CFAP54: variants seen among roughly 807,000 people sequenced by gnomAD.
CFAP54 encodes cilia and flagella associated protein 54.
In CFAP54, 290 loss-of-function variants were observed where a neutral mutation model predicts 370.4. That is an observed-to-expected ratio of 0.78 (90% CI 0.71 to 0.86). The LOEUF is 0.86. CFAP54 is among the 40% of genes least tolerant of loss of function. The probability of loss-of-function intolerance (pLI) is 0.00; values close to 1 mark genes in which losing one functional copy is unlikely to be tolerated. For missense variants in CFAP54, 3,399 were observed against 3,528.7 expected, an observed-to-expected ratio of 0.96 and a Z score of 0.93; for synonymous variants, 1,206 against 1,236.5, an observed-to-expected ratio of 0.98 and a Z score of 0.52.
At chr12:96,596,817 G>A (rs540809094) in intron 25 of CFAP54, among the ~76,000 whole-genome samples, 1 of 152,116 alleles carries the variant, frequency 6.6e-6, no homozygotes, top group African/African-American at 2.4e-5. Context: ...ATAACAAAAA[G>A]TCTTACAAAC....
chr12:96,680,777 C>G (rs540509194), intron 40 of CFAP54, among the ~76,000 whole-genome samples: 3 of 152,030 alleles, frequency 2.0e-5, no homozygotes, highest in African/African-American at 7.2e-5. Flanking sequence ...TTTAATTGCT[C>G]CATACATTAA....
chr12:96,771,427 C>A (rs777352594), intron 60 of CFAP54, among the ~76,000 whole-genome samples: 1 of 152,090 alleles, frequency 6.6e-6, no homozygotes, highest in Non-Finnish European at 1.5e-5. Context: ...CCAAGGCGGG[C>A]GGTTCACGAG....
In CFAP54 at chr12:96,804,466, A is replaced by G. The variant is rs576442960; in HGVS notation, c.8851-7270A>G. Among the ~76,000 whole-genome samples, 10 of 152,306 alleles carry G rather than the reference A, an allele frequency of 6.6e-5. No homozygotes were observed. The South Asian group carries it at 1.2e-3, about 19-fold the overall frequency. On this transcript the variant is annotated intron_variant, in intron 63 of 67. Transcript: ENST00000524981. Reference sequence around the variant, plus strand: ...CACAAAAGAAATCAGTAGCATTTCTATATACCAATAATGATCTAACCGAGG... The same window carrying G: ...CACAAAAGAAATCAGTAGCATTTCTGTATACCAATAATGATCTAACCGAGG...
chr12:96,648,454 C>T (rs1956821031), intron 34 of CFAP54, among the ~76,000 whole-genome samples: 1 of 151,998 alleles, frequency 6.6e-6, no homozygotes, highest in Admixed American at 6.6e-5. Flanking sequence ...CAGGGGAATC[C>T]ACCATTGCCC....
intron 34 of CFAP54, 72 bp from the exon 35 acceptor site, chr12:96,649,819 T>G: frequency 2.1e-6 from 2 of 959,050 alleles, no homozygotes; most frequent in Non-Finnish European, 3.1e-6. Context: ...ACTTGATCCT[T>G]ATCACCTACT....
At chr12:96,828,738 T>C (rs1959155878) in intron 65 of CFAP54, among the ~76,000 whole-genome samples, 1 of 152,182 alleles carries the variant, frequency 6.6e-6, no homozygotes, top group South Asian at 2.1e-4. Context: ...TCTGAAACTC[T>C]TCATTCCAGG....
chr12:96,518,844 A>G, intron 5 of CFAP54, 84 bp from the exon 6 acceptor site: 1 of 1,251,794 alleles, frequency 8.0e-7, no homozygotes, highest in Non-Finnish European at 1.0e-6. Context: ...TTGTGCTCAC[A>G]ACTTAGAATT....
At chr12:96,525,208 A>T (rs567276495) in intron 8 of CFAP54, among the ~76,000 whole-genome samples, 2 of 151,722 alleles carry the variant, frequency 1.3e-5, no homozygotes, top group African/African-American at 4.8e-5. Context: ...TGCCATTTTA[A>T]CTTTATTTCT....
intron 4 of CFAP54, among the ~76,000 whole-genome samples, chr12:96,508,474 C>T (rs948331886): frequency 3.3e-5 from 5 of 151,686 alleles, no homozygotes; most frequent in South Asian, 4.2e-4. Context: ...TTAGTACAGA[C>T]GGGTTTTTAC....
chr12:96,678,825 T>C (rs556677777), intron 39 of CFAP54, among the ~76,000 whole-genome samples: 30 of 152,334 alleles, frequency 2.0e-4, no homozygotes, highest in African/African-American at 6.7e-4. Context: ...GCAAAGACCA[T>C]GCCTCTTAAC....
intron 4 of CFAP54, among the ~76,000 whole-genome samples, chr12:96,508,316 C>T (rs1263034936): frequency 1.4e-5 from 2 of 147,298 alleles, no homozygotes; most frequent in Non-Finnish European, 3.0e-5. Flanking sequence ...GATGGAGTCT[C>T]GCTGTGTTGC....
At chr12:96,562,630 A>C (rs549995349) in intron 17 of CFAP54, among the ~76,000 whole-genome samples, 1 of 151,784 alleles carries the variant, frequency 6.6e-6, no homozygotes, top group Non-Finnish European at 1.5e-5. Context: ...GGGTTTTGCC[A>C]TGTTGGCCAG....
chr12:96,614,648 T>C (rs1956395973), intron 26 of CFAP54, among the ~76,000 whole-genome samples: 2 of 152,222 alleles, frequency 1.3e-5, no homozygotes, highest in Non-Finnish European at 2.9e-5. Context: ...CTTAAGCTGA[T>C]AAGCAACTTC....
Position 96,554,300 on chromosome 12 carries a change from G to A in CFAP54, c.2273G>A (p.Cys758Tyr), listed in dbSNP as rs754854429. 9.8e-5 allele frequency: 149 copies of A among 1,515,218 alleles called. No individual in the cohort carries two copies. Among genetic ancestry groups the A allele is most frequent in the Non-Finnish European group, 1.3e-4 (147 of 1,140,084 alleles). The allele number at this position is 1,515,218 out of a possible 1,614,324, so 93.9% of individuals were successfully genotyped here. ...AATGGATCATCAGTAATTGACCACT[G>A]CTATGCCAAGGTAAGAATGGAAGAG... ...LPNGSSVIDHCYAKRTHHIDG... is the reference protein window; with the variant it reads ...LPNGSSVIDHYYAKRTHHIDG... The change falls in exon 16 of 68, where the codon TGC becomes TAC. Residue 758 changes from cysteine to tyrosine, a missense_variant. This residue lies in a region of CFAP54 where 2,796 missense variants were observed against 2,869.7 expected (regional missense o/e 0.97). Transcript: ENST00000524981.
Position 96,533,913 on chromosome 12 carries a change from T to C in CFAP54, c.1479T>C (p.Phe493=). Residue 493 remains phenylalanine (F), a synonymous_variant, in exon 10 of 68, where the codon TTT becomes TTC. Coordinates refer to ENST00000524981, the MANE Select transcript of CFAP54 (RefSeq NM_001306084.2). The part of the protein sequence containing the change: ...DAAVKFIKLA[F]TYEEWSLFES... ...CTGTGAAATTTATAAAATTAGCTTTTACCTATGAGGAGTGGAGTTTATTTG... is the reference window on the plus strand; with the variant it reads ...CTGTGAAATTTATAAAATTAGCTTTCACCTATGAGGAGTGGAGTTTATTTG... 6.5e-7 allele frequency: 1 copy of C among 1,535,238 alleles called. No individual in the cohort carries two copies. The highest frequency in any genetic ancestry group is 8.7e-7 in the Non-Finnish European group (1 of 1,146,408).
chr12:96,784,699 A>T lies in CFAP54; in HGVS notation c.8282-18A>T. 8 of 1,483,784 alleles carry T rather than the reference A, an allele frequency of 5.4e-6. No individual in the cohort carries two copies. The highest frequency in any genetic ancestry group is 7.1e-6 in the Non-Finnish European group (8 of 1,122,654). The allele number at this position is 1,483,784 out of a possible 1,614,324, so 91.9% of individuals were successfully genotyped here. A position where few individuals can be genotyped will look rare whatever the true frequency, so the allele number is the denominator to read the frequency against. Reference sequence around the variant, plus strand: ...ATAATATAATATTGTATTACAAAAAAAAGTTTTTCACTTTCAGACAACTAC... The same window carrying T: ...ATAATATAATATTGTATTACAAAAATAAGTTTTTCACTTTCAGACAACTAC... On this transcript the variant is annotated intron_variant, in intron 60 of 67. Coordinates refer to ENST00000524981, the MANE Select transcript of CFAP54 (RefSeq NM_001306084.2).
At chr12:96,809,480 C>T (rs1438076591) in intron 63 of CFAP54, among the ~76,000 whole-genome samples, 2 of 151,808 alleles carry the variant, frequency 1.3e-5, no homozygotes, top group Admixed American at 6.6e-5. Context: ...CTTCCTTGTT[C>T]TCTGATTGTC....
intron 66 of CFAP54, among the ~76,000 whole-genome samples, chr12:96,832,410 A>T (rs1332920873): frequency 6.6e-6 from 1 of 152,010 alleles, no homozygotes; most frequent in Non-Finnish European, 1.5e-5. Context: ...TAGTTGTGTG[A>T]ACTTGGGCAA....
rs1017285641 is a variant in CFAP54, at chr12:96,720,515, C to G, written c.6915C>G (p.Ala2305=). 1.3e-6 allele frequency: 2 copies of G among 1,591,906 alleles called. No individual in the cohort carries two copies. The highest frequency in any genetic ancestry group is 1.7e-6 in the Non-Finnish European group (2 of 1,166,770). ...SAGELEIVVE[A]RLQLAAVALQ... ...GCGAGCTGGAGATTGTGGTGGAGGC[C>G]CGGCTTCAGCTGGCTGCAGTTGCTC... Residue 2305 remains alanine (A), a synonymous_variant, in exon 50 of 68, where the codon GCC becomes GCG. Coordinates refer to ENST00000524981, the MANE Select transcript of CFAP54 (RefSeq NM_001306084.2).
Sources: gnomAD v4.1 joint callset for allele counts (sites outside exome capture counted in the v4.1 genomes callset) on GRCh38, gnomAD v4.1.1 for gene constraint, gnomAD v4.1.1 regional missense constraint, MANE v1.5 for transcripts, NCBI Gene and HGNC (gene_info 2026-07-23, HGNC 2026-07-21) for gene names.